Variants in STYX observed in about 807,000 individuals in gnomAD.
The protein encoded by STYX is serine/threonine/tyrosine interacting protein.
Under a neutral mutation model 42.7 loss-of-function variants are expected in STYX, and 20 were observed. The ratio of observed to expected loss-of-function variants is 0.47; its 90% CI spans 0.33 to 0.68. The LOEUF is 0.68. STYX is among the 30% of genes least tolerant of loss of function. STYX has a pLI of 0.02. For missense variants in STYX, 226 were observed against 268.5 expected, an observed-to-expected ratio of 0.84 and a Z score of 1.11; for synonymous variants, 78 against 81.9, an observed-to-expected ratio of 0.95 and a Z score of 0.26.
Position 52,757,927 on chromosome 14 carries a change from A to G in STYX, c.431+3A>G, listed in dbSNP as rs1195074611. ...GAAACATTTGGAATGAAGTACAGGT[A>G]AGAAAATACCCTAAAACCTAGCCAC... On this transcript the variant is annotated splice_donor_region_variant and intron_variant, in intron 8 of 10. Coordinates refer to ENST00000354586, the MANE Select transcript of STYX (RefSeq NM_145251.4). The G allele has an allele frequency of 1.2e-6, 2 of 1,611,214 alleles. No individual in the cohort carries two copies. Among genetic ancestry groups the G allele is most frequent in the East Asian group, 2.2e-5 (1 of 44,766 alleles).
rs773857200 is a variant in STYX, at chr14:52,771,152, G to C, written c.*46G>C. The C allele has an allele frequency of 4.0e-6, 6 of 1,497,710 alleles. No individual in the cohort carries two copies. The highest frequency in any genetic ancestry group is 5.5e-6 in the Non-Finnish European group (6 of 1,098,456). The allele number at this position is 1,497,710 out of a possible 1,614,324, so 92.8% of individuals were successfully genotyped here. A position where few individuals can be genotyped will look rare whatever the true frequency, so the allele number is the denominator to read the frequency against. ...AGTGTGAATTTCTATTTGGGAAGGA[G>C]AAAATACAAGAGAAAATTATAATGT... On this transcript the variant is annotated 3_prime_UTR_variant, in exon 11 of 11. Coordinates refer to ENST00000354586, the MANE Select transcript of STYX (RefSeq NM_145251.4).
chr14:52,737,965 C>T lies in STYX; in HGVS notation c.58-6887C>T, dbSNP rs1477629610. ...TAATTTTTTGTATTTTTGGTAGAGA[C>T]GGGGTGTCAACCATGTTAGCCAGGA... On this transcript the variant is annotated intron_variant, in intron 1 of 10. Coordinates refer to ENST00000354586, the MANE Select transcript of STYX (RefSeq NM_145251.4). 3.9e-5 allele frequency among the ~76,000 whole-genome samples: 6 copies of T among 152,132 alleles called. No homozygotes were observed. In the South Asian group the frequency reaches 1.2e-3, roughly 32 times the overall value.
At position 52,750,714 on chromosome 14, in the gene STYX, A is replaced by G. The variant is rs754364637; in HGVS notation, c.176A>G (p.His59Arg). Residue 59 changes from histidine (H) to arginine (R), a missense_variant, in exon 4 of 11, where the codon CAT becomes CGT. His to Arg is a conservative substitution (Grantham distance 29). Transcript: ENST00000354586. The stretch of plus-strand genomic sequence containing the variant: ...GTACTACAGAAACATGGAATAACCC[A>G]TATAATATGCATACGACAAAATATT... Reference protein sequence around the residue: ...LPVLQKHGITHIICIRQNIEA... With the variant: ...LPVLQKHGITRIICIRQNIEA... The G allele has an allele frequency of 6.3e-7, 1 of 1,593,582 alleles. No homozygotes were observed. Among genetic ancestry groups the G allele is most frequent in the Non-Finnish European group, 8.5e-7 (1 of 1,172,408 alleles).
chr14:52,737,882 T>C (rs952636496), intron 1 of STYX, among the ~76,000 whole-genome samples: 2 of 152,142 alleles, frequency 1.3e-5, no homozygotes, highest in African/African-American at 4.8e-5. Context: ...TTCACGCCAT[T>C]CTCCTGCCTC....
chr14:52,740,534 T>C (rs1218091412), intron 1 of STYX, among the ~76,000 whole-genome samples: 1 of 152,268 alleles, frequency 6.6e-6, no homozygotes, highest in Non-Finnish European at 1.5e-5. Context: ...TTAGGTTCTC[T>C]ATGACTAAAA....
At position 52,759,773 on chromosome 14, in the gene STYX, T is replaced by G; in HGVS notation, c.504+19T>G. 1 of 1,505,140 alleles carries G rather than the reference T, an allele frequency of 6.6e-7. No homozygotes were observed. Among genetic ancestry groups the G allele is most frequent in the Non-Finnish European group, 9.2e-7 (1 of 1,086,954 alleles). The allele number at this position is 1,505,140 out of a possible 1,614,324, so 93.2% of individuals were successfully genotyped here. On this transcript the variant is annotated intron_variant, in intron 9 of 10. Transcript: ENST00000354586. ...ACTTCAGGTAACTTTTCTTCCTCTT[T>G]AAGGCAATCAGAAGTAAGATATAAA... is the stretch of plus-strand genomic sequence containing the variant.
intron 1 of STYX, among the ~76,000 whole-genome samples, chr14:52,735,939 C>T (rs886707344): frequency 2.0e-5 from 3 of 152,132 alleles, no homozygotes; most frequent in Non-Finnish European, 2.9e-5. Context: ...TCATGAATTT[C>T]CATTGTTTTG....
chr14:52,754,216 C>CTT (rs892625998), intron 4 of STYX, among the ~76,000 whole-genome samples: 2 of 146,262 alleles, frequency 1.4e-5, no homozygotes, highest in African/African-American at 5.0e-5. Flanking sequence ...GAAAGAAATA[C>CTT]TTTTTTTTTT....
intron 8 of STYX, among the ~76,000 whole-genome samples, chr14:52,758,368 G>T (rs1409510430): frequency 6.6e-6 from 1 of 152,040 alleles, no homozygotes; most frequent in Non-Finnish European, 1.5e-5. Context: ...AAGATAGGGG[G>T]TGGTAATGAG....
At chr14:52,732,936 G>T (rs1880794357) in intron 1 of STYX, among the ~76,000 whole-genome samples, 1 of 152,142 alleles carries the variant, frequency 6.6e-6, no homozygotes, top group East Asian at 1.9e-4. Flanking sequence ...CTCCCAAAGT[G>T]CTGGGATTAC....
intron 10 of STYX, 36 bp from the exon 11 acceptor site, chr14:52,770,997 T>G: frequency 6.3e-7 from 1 of 1,593,462 alleles, no homozygotes; most frequent in Non-Finnish European, 8.6e-7. Context: ...TGAATTTATT[T>G]TAGTGCCCTT....
Position 52,757,854 on chromosome 14 carries a change from A to G in STYX, c.381-20A>G. The G allele has an allele frequency of 1.2e-6, 2 of 1,613,064 alleles. No homozygotes were observed. The highest frequency in any genetic ancestry group is 1.7e-6 in the Non-Finnish European group (2 of 1,179,742). ...GGCTGTATTTTCTGGTTGTTTTTAAAATTATTTTCCCCTCTTCAGTGCAGC... is the reference window on the plus strand; with the variant it reads ...GGCTGTATTTTCTGGTTGTTTTTAAGATTATTTTCCCCTCTTCAGTGCAGC... On this transcript the variant is annotated intron_variant, in intron 7 of 10. Transcript: ENST00000354586.
chr14:52,755,683 G>GTTTT (rs372975976), intron 4 of STYX, among the ~76,000 whole-genome samples: 1 of 129,812 alleles, frequency 7.7e-6, no homozygotes, highest in Non-Finnish European at 1.6e-5. Context: ...CTCTCAGCTA[G>GTTTT]TTTTTTTTTT....
chr14:52,759,100 A>G (rs919804018), intron 8 of STYX, among the ~76,000 whole-genome samples: 1 of 152,126 alleles, frequency 6.6e-6, no homozygotes, highest in Non-Finnish European at 1.5e-5. Flanking sequence ...TTGAACTTGT[A>G]CTATATGCAC....
intron 1 of STYX, among the ~76,000 whole-genome samples, chr14:52,744,207 A>T (rs1881309428): frequency 1.3e-5 from 2 of 152,058 alleles, no homozygotes; most frequent in South Asian, 4.1e-4. Context: ...TACCATTGAC[A>T]TTTTGTGTTG....
In STYX at chr14:52,768,849, G is replaced by A; in HGVS notation, c.514G>A (p.Ala172Thr). Residue 172 changes from alanine to threonine, a missense_variant, in exon 10 of 11, where the codon GCC becomes ACC. Transcript: ENST00000354586. ...GFVHQLQEYE[A>T]IYLAKLTIQM... Reference sequence around the variant, plus strand: ...CTTATTTTTTTTTTAGGAATATGAAGCCATCTACCTAGCAAAATTAACAAT... The same window carrying A: ...CTTATTTTTTTTTTAGGAATATGAAACCATCTACCTAGCAAAATTAACAAT... The A allele has an allele frequency of 6.4e-7, 1 of 1,574,646 alleles. No homozygotes were observed.
intron 4 of STYX, among the ~76,000 whole-genome samples, chr14:52,752,846 C>A (rs1330382412): frequency 7.0e-6 from 1 of 142,626 alleles, no homozygotes; most frequent in African/African-American, 2.6e-5. Flanking sequence ...ACGTATTTTT[C>A]TTTCGTTTTT....
intron 1 of STYX, among the ~76,000 whole-genome samples, chr14:52,744,191 A>G (rs1266954112): frequency 1.3e-5 from 2 of 152,162 alleles, no homozygotes; most frequent in Non-Finnish European, 2.9e-5. Context: ...AATATTTTTT[A>G]TCTTTTACCA....
intron 4 of STYX, among the ~76,000 whole-genome samples, chr14:52,751,291 G>A (rs927931315): frequency 5.3e-5 from 8 of 151,968 alleles, no homozygotes; most frequent in African/African-American, 1.9e-4. Context: ...AAGTTGCATT[G>A]TAATCCATTG....
Sources: gnomAD v4.1 joint callset for allele counts (sites outside exome capture counted in the v4.1 genomes callset) on GRCh38, gnomAD v4.1.1 for gene constraint, MANE v1.5 for transcripts, NCBI Gene and HGNC (gene_info 2026-07-23, HGNC 2026-07-21) for gene names.